ARIH1: variants seen among roughly 807,000 people sequenced by gnomAD.
ARIH1 encodes the protein E3 ubiquitin-protein ligase ARIH1.
In ARIH1, 8 loss-of-function variants were observed where a neutral mutation model predicts 85.0. The ratio of observed to expected loss-of-function variants is 0.09; its 90% CI spans 0.06 to 0.17. The LOEUF (loss-of-function observed/expected upper bound fraction) is 0.17, where lower values mean the gene tolerates loss of function less well. Among genes scored for constraint, ARIH1 ranks in the 10% least tolerant of loss-of-function variants. ARIH1 has a pLI of 1.00. For synonymous variants in ARIH1, 238 were observed against 253.6 expected (o/e 0.94, Z 0.59); for missense variants, 311 against 718.1 (o/e 0.43, Z 6.48).
chr15:72,558,670 T>G (rs1242060258), intron 5 of ARIH1, among the ~76,000 whole-genome samples: 1 of 152,186 alleles, frequency 6.6e-6, no homozygotes, highest in Non-Finnish European at 1.5e-5. Flanking sequence ...ATGACCAGAG[T>G]GACACTTGCT....
chr15:72,578,261 A>G (rs976012133), intron 11 of ARIH1, among the ~76,000 whole-genome samples: 1 of 152,188 alleles, frequency 6.6e-6, no homozygotes, highest in Non-Finnish European at 1.5e-5. Context: ...TTTCTCTACC[A>G]GGAGTTTATT....
At chr15:72,564,249 A>G (rs1419485710) in intron 7 of ARIH1, among the ~76,000 whole-genome samples, 1 of 152,152 alleles carries the variant, frequency 6.6e-6, no homozygotes, top group African/African-American at 2.4e-5. Flanking sequence ...ATTCAGTTTC[A>G]TTTCTCTACC....
At chr15:72,558,574 T>C (rs2064184817) in intron 5 of ARIH1, among the ~76,000 whole-genome samples, 1 of 152,232 alleles carries the variant, frequency 6.6e-6, no homozygotes, top group African/African-American at 2.4e-5. Context: ...AGTGCTAGGA[T>C]TACAGGCGTG....
chr15:72,577,726 G>T, intron 11 of ARIH1, among the ~76,000 whole-genome samples: 1 of 152,074 alleles, frequency 6.6e-6, no homozygotes, highest in East Asian at 1.9e-4. Context: ...TCTTCAAGTT[G>T]AGTAGGCTGA....
At position 72,583,664 on chromosome 15, in the gene ARIH1, C is replaced by G. The variant is rs2064303656; in HGVS notation, c.*372C>G. 1 of 168,046 alleles carries G rather than the reference C, an allele frequency of 6.0e-6. No homozygotes were observed. Among genetic ancestry groups the G allele is most frequent in the Non-Finnish European group, 1.3e-5 (1 of 77,948 alleles). 10.4% of individuals were successfully genotyped at this position (168,046 alleles called of 1,614,324 possible). A position where few individuals can be genotyped will look rare whatever the true frequency, so the allele number is the denominator to read the frequency against. Reference sequence around the variant, plus strand: ...ACACTGCTTTTCATGTTCAAACCAGCCATTTTGTTGTACTTTGGTAAAGGA... The same window carrying G: ...ACACTGCTTTTCATGTTCAAACCAGGCATTTTGTTGTACTTTGGTAAAGGA... On this transcript the variant is annotated 3_prime_UTR_variant, in exon 14 of 14. Transcript: ENST00000379887.
chr15:72,568,592 T>C (rs1031859162), intron 9 of ARIH1, among the ~76,000 whole-genome samples: 9 of 152,166 alleles, frequency 5.9e-5, no homozygotes, highest in Admixed American at 2.6e-4. Context: ...AGTTTTTCTC[T>C]TGAGGTTTTA....
intron 2 of ARIH1, among the ~76,000 whole-genome samples, chr15:72,534,959 C>CTTTTTTTTTTTTTTTTTTTT (rs59841210): frequency 0.019 from 1,381 of 73,756 alleles, 515 homozygotes; most frequent in Non-Finnish European, 0.039. Flanking sequence ...TGTCTGTATT[C>CTTTTTTTTTTTTTTTTTTTT]TTTTTTTTTT....
chr15:72,506,364 AAG>A, intron 1 of ARIH1, among the ~76,000 whole-genome samples: 1 of 148,778 alleles, frequency 6.7e-6, no homozygotes. Flanking sequence ...AAAAAAAAAA[AAG>A]AAAAAAAAAA....
At chr15:72,563,531 T>C (rs1244307156) in intron 7 of ARIH1, 31 bp downstream of exon 7, 14 of 1,546,644 alleles carry the variant, frequency 9.1e-6, no homozygotes, top group Non-Finnish European at 1.3e-5. Flanking sequence ...ATTGAAATAG[T>C]GCACAAAGCG....
chr15:72,494,723 A>G (rs1022164796), intron 1 of ARIH1, among the ~76,000 whole-genome samples: 9 of 152,016 alleles, frequency 5.9e-5, no homozygotes, highest in Non-Finnish European at 1.2e-4. Context: ...CTGGGAGAGT[A>G]GTGAGTAATC....
chr15:72,558,596 C>T (rs917415207), intron 5 of ARIH1, among the ~76,000 whole-genome samples: 1 of 152,260 alleles, frequency 6.6e-6, no homozygotes, highest in Non-Finnish European at 1.5e-5. Flanking sequence ...GCCACCAAGC[C>T]TGGCCAATAA....
intron 1 of ARIH1, among the ~76,000 whole-genome samples, chr15:72,485,672 T>C (rs973373759): frequency 6.6e-6 from 1 of 152,182 alleles, no homozygotes; most frequent in Non-Finnish European, 1.5e-5. Flanking sequence ...CTGAGGTTAA[T>C]CAACCCCCCT....
chr15:72,488,654 C>T (rs1256176769), intron 1 of ARIH1, among the ~76,000 whole-genome samples: 1 of 152,152 alleles, frequency 6.6e-6, no homozygotes, highest in Non-Finnish European at 1.5e-5. Flanking sequence ...ACAGAAGAAA[C>T]TCAGTAAATA....
Position 72,594,467 on chromosome 15 carries a change from T to A in ARIH1, c.*11175T>A, listed in dbSNP as rs955118953. On this transcript the variant is annotated 3_prime_UTR_variant, in exon 14 of 14. Transcript: ENST00000379887. The stretch of plus-strand genomic sequence containing the variant: ...ACAGGCGTGAGCCACCGCGCCTGGC[T>A]AATTTTCATTTTTAAGTTGTTTGCT... 1 of 152,168 alleles carries A rather than the reference T, an allele frequency of 6.6e-6. No individual in the cohort carries two copies. Among genetic ancestry groups the A allele is most frequent in the East Asian group, 1.9e-4 (1 of 5,196 alleles). 9.4% of individuals were successfully genotyped at this position (152,168 alleles called of 1,614,324 possible).
chr15:72,474,622 GC>G lies in ARIH1; in HGVS notation c.-13del, dbSNP rs1320317812. The G allele has an allele frequency of 2.7e-6, 4 of 1,507,072 alleles. No homozygotes were observed. The highest frequency in any genetic ancestry group is 2.8e-5 in the East Asian group (1 of 35,578). 93.4% of individuals were successfully genotyped at this position (1,507,072 alleles called of 1,614,324 possible). ...CCCCGCCTCGGCCAGCGTCCGCCGG[GC>G]CCCCGCGCGTCGCGCCATGGACTCG... On this transcript the variant is annotated 5_prime_UTR_variant, in exon 1 of 14. Transcript: ENST00000379887.
At position 72,583,396 on chromosome 15, in the gene ARIH1, C is replaced by T; in HGVS notation, c.*104C>T. ...CAAGGAGGCACTAAGCCTATTCTGA[C>T]ACCACTGGTCTGTAGTACCAGAATT... On this transcript the variant is annotated 3_prime_UTR_variant, in exon 14 of 14. Coordinates refer to ENST00000379887, the MANE Select transcript of ARIH1 (RefSeq NM_005744.5). The T allele has an allele frequency of 1.2e-6, 1 of 802,894 alleles. No individual in the cohort carries two copies. The highest frequency in any genetic ancestry group is 2.0e-6 in the Non-Finnish European group (1 of 490,564). 49.7% of individuals were successfully genotyped at this position (802,894 alleles called of 1,614,324 possible).
At chr15:72,498,230 C>T (rs1358093783) in intron 1 of ARIH1, among the ~76,000 whole-genome samples, 2 of 116,676 alleles carry the variant, frequency 1.7e-5, no homozygotes, top group Non-Finnish European at 3.9e-5. Flanking sequence ...AGACTTTAAT[C>T]TGCAACCAAA....
At chr15:72,568,118 C>A (rs951853547) in intron 9 of ARIH1, among the ~76,000 whole-genome samples, 2 of 152,156 alleles carry the variant, frequency 1.3e-5, no homozygotes, top group African/African-American at 4.8e-5. Flanking sequence ...ATGCCCAAGT[C>A]TTTAAGGAAT....
intron 1 of ARIH1, among the ~76,000 whole-genome samples, chr15:72,475,601 T>C (rs2063791826): frequency 6.6e-6 from 1 of 152,228 alleles, no homozygotes; most frequent in Non-Finnish European, 1.5e-5. Context: ...TTTCAGATGG[T>C]GAGGCTTCTG....
Sources: allele counts gnomAD v4.1 joint callset (sites outside exome capture counted in the v4.1 genomes callset), GRCh38; gene constraint gnomAD v4.1.1; transcripts MANE v1.5; gene names NCBI Gene and HGNC (gene_info 2026-07-23, HGNC 2026-07-21).